GSTCD: variants seen among roughly 807,000 people sequenced by gnomAD.
The protein encoded by GSTCD is glutathione S-transferase C-terminal domain containing, also known as glutathione S-transferase C-terminal domain-containing protein.
A neutral mutation model predicts 68.3 loss-of-function variants in GSTCD; 44 were observed. The observed-to-expected ratio is 0.64, with a 90% CI of 0.51 to 0.83. The LOEUF is 0.83. Ranked by LOEUF, GSTCD falls within the 40% of genes least tolerant of loss-of-function variation. GSTCD has a pLI of 0.00. For synonymous variants in GSTCD, 273 were observed against 255.2 expected (o/e 1.07, Z -0.67); for missense variants, 739 against 735.9 (o/e 1.00, Z -0.05).
At chr4:105,732,045 A>G (rs1179378981) in intron 5 of GSTCD, among the ~76,000 whole-genome samples, 1 of 152,218 alleles carries the variant, frequency 6.6e-6, no homozygotes, top group Non-Finnish European at 1.5e-5. Context: ...GATTAAGCCT[A>G]CTTGATCATG....
chr4:105,729,815 A>G (rs1390118070), intron 5 of GSTCD, among the ~76,000 whole-genome samples: 2 of 152,150 alleles, frequency 1.3e-5, no homozygotes, highest in Non-Finnish European at 2.9e-5. Context: ...ACATATGTAT[A>G]CATGTGCCAT....
At chr4:105,786,151 C>T (rs1015549790) in intron 5 of GSTCD, among the ~76,000 whole-genome samples, 1 of 152,112 alleles carries the variant, frequency 6.6e-6, no homozygotes, top group African/African-American at 2.4e-5. Context: ...ACAAAGCCTT[C>T]TAAGAATGAC....
intron 5 of GSTCD, among the ~76,000 whole-genome samples, chr4:105,757,392 T>A (rs1734236047): frequency 6.6e-6 from 1 of 152,218 alleles, no homozygotes; most frequent in African/African-American, 2.4e-5. Context: ...CACTAATCTG[T>A]TAATACCATC....
At chr4:105,719,824 C>T (rs1029466849) in intron 3 of GSTCD, among the ~76,000 whole-genome samples, 2 of 151,934 alleles carry the variant, frequency 1.3e-5, no homozygotes, top group African/African-American at 2.4e-5. Context: ...AAAATGTTAA[C>T]AATTGTTATT....
At chr4:105,774,608 G>A (rs998625948) in intron 5 of GSTCD, among the ~76,000 whole-genome samples, 2 of 152,166 alleles carry the variant, frequency 1.3e-5, no homozygotes, top group Non-Finnish European at 2.9e-5. Flanking sequence ...CTTTGCTTAT[G>A]AAGCTTAGTT....
intron 5 of GSTCD, among the ~76,000 whole-genome samples, chr4:105,798,551 A>T (rs1293254019): frequency 6.6e-6 from 1 of 152,200 alleles, no homozygotes; most frequent in African/African-American, 2.4e-5. Flanking sequence ...CATGAGCTGC[A>T]GAATGGATGT....
intron 5 of GSTCD, among the ~76,000 whole-genome samples, chr4:105,797,754 A>C (rs1735952693): frequency 6.9e-6 from 1 of 145,764 alleles, no homozygotes. Flanking sequence ...TTTACACACA[A>C]TAGAACTTTT....
At chr4:105,763,804 C>T (rs1348899777) in intron 5 of GSTCD, among the ~76,000 whole-genome samples, 1 of 152,064 alleles carries the variant, frequency 6.6e-6, no homozygotes, top group Non-Finnish European at 1.5e-5. Flanking sequence ...CTCATCAAAC[C>T]ATTCCAAGGT....
At position 105,748,195 on chromosome 4, in the gene GSTCD, G is replaced by A. The variant is rs137986114; in HGVS notation, c.1240+18696G>A. Among the ~76,000 whole-genome samples, 290 of 152,106 alleles carry A rather than the reference G, an allele frequency of 1.9e-3. 2 individuals are homozygous for A. Among genetic ancestry groups the A allele is most frequent in the Admixed American group, 2.9e-3 (44 of 15,276 alleles). ...GCTTGAACCTGGGAGGCGGAGGTTGGGGTGAGTCAAGATCATGCCACTGTA... is the reference window on the plus strand; with the variant it reads ...GCTTGAACCTGGGAGGCGGAGGTTGAGGTGAGTCAAGATCATGCCACTGTA... On this transcript the variant is annotated intron_variant, in intron 5 of 11. Coordinates refer to ENST00000515279, the MANE Select transcript of GSTCD (RefSeq NM_001370181.1).
Position 105,825,792 on chromosome 4 carries a change from A to G in GSTCD, c.1522A>G (p.Asn508Asp), listed in dbSNP as rs1466181167. The G allele has an allele frequency of 6.5e-7, 1 of 1,537,984 alleles. No homozygotes were observed. The highest frequency in any genetic ancestry group is 1.7e-5 in the Admixed American group (1 of 59,298). ...ANMEYFTGMF[N>D]IGVALHACGV... ...TATGGAATATTTTACTGGGATGTTTAATATTGGAGTAAGTAATCAAGTAAT... is the reference window on the plus strand; with the variant it reads ...TATGGAATATTTTACTGGGATGTTTGATATTGGAGTAAGTAATCAAGTAAT... The change falls in exon 8 of 12, where the codon AAT becomes GAT. Residue 508 changes from asparagine to aspartate, a missense_variant. Asn to Asp is a conservative substitution (Grantham distance 23). Transcript: ENST00000515279.
At chr4:105,722,636 C>G (rs1374168012) in intron 3 of GSTCD, among the ~76,000 whole-genome samples, 3 of 151,962 alleles carry the variant, frequency 2.0e-5, no homozygotes, top group Non-Finnish European at 4.4e-5. Context: ...TGAATAGATG[C>G]AACATCTTGC....
chr4:105,756,495 TACACACACACAC>T (rs3055931), intron 5 of GSTCD, among the ~76,000 whole-genome samples: 116 of 139,488 alleles, frequency 8.3e-4, no homozygotes, highest in African/African-American at 2.4e-3. Context: ...CCTATGCACA[TACACACACACAC>T]ACACACACAC....
chr4:105,717,779 G>A lies in GSTCD; in HGVS notation c.166G>A (p.Val56Met), dbSNP rs1171550152. ...AATTTGCTTAGTTGTCACCAAAGAG[G>A]TGAGTAGAGATAGTTCACTACTAAG... ...FKICLVVTKE[V>M]SRDSSLLRDD... Residue 56 changes from valine to methionine, a missense_variant, in exon 2 of 12, where the codon GTG becomes ATG. Transcript: ENST00000515279. The A allele has an allele frequency of 9.3e-6, 15 of 1,613,844 alleles. No homozygotes were observed. The highest frequency in any genetic ancestry group is 6.7e-5 in the East Asian group (3 of 44,868).
chr4:105,743,116 AT>A (rs538882263), intron 5 of GSTCD, among the ~76,000 whole-genome samples: 3 of 151,154 alleles, frequency 2.0e-5, no homozygotes, highest in South Asian at 2.1e-4. Context: ...CGCCTGGCTA[AT>A]TTTTTTGTAT....
At chr4:105,831,470 G>A (rs1360049802) in intron 8 of GSTCD, among the ~76,000 whole-genome samples, 3 of 152,016 alleles carry the variant, frequency 2.0e-5, no homozygotes, top group Admixed American at 6.6e-5. Flanking sequence ...AAAGAAGTTT[G>A]GTTTGGAGTC....
chr4:105,794,852 T>TATCA (rs1735817398), intron 5 of GSTCD, among the ~76,000 whole-genome samples: 1 of 131,358 alleles, frequency 7.6e-6, no homozygotes, highest in Non-Finnish European at 1.6e-5. Flanking sequence ...TCTATCTATC[T>TATCA]ATCTATCTAT....
At chr4:105,718,259 C>A (rs915775303) in intron 2 of GSTCD, among the ~76,000 whole-genome samples, 1 of 152,128 alleles carries the variant, frequency 6.6e-6, no homozygotes. Context: ...GAGGTGGGAC[C>A]TGGTAGGAGG....
intron 11 of GSTCD, 76 bp downstream of exon 11, chr4:105,842,210 G>T: frequency 8.4e-7 from 1 of 1,185,896 alleles, no homozygotes; most frequent in East Asian, 2.4e-5. Context: ...AAGTCTATAT[G>T]GGAAAAATTT....
chr4:105,782,920 A>G (rs1229671523), intron 5 of GSTCD, among the ~76,000 whole-genome samples: 2 of 152,212 alleles, frequency 1.3e-5, no homozygotes, highest in Non-Finnish European at 2.9e-5. Context: ...CATATAATGT[A>G]TTTTTAAAAA....
Sources: gnomAD v4.1 joint callset for allele counts (sites outside exome capture counted in the v4.1 genomes callset) on GRCh38, gnomAD v4.1.1 for gene constraint, MANE v1.5 for transcripts, NCBI Gene and HGNC (gene_info 2026-07-23, HGNC 2026-07-21) for gene names.